Variants in BICDL1 observed in about 807,000 individuals in gnomAD.
The protein encoded by BICDL1 is BICD family like cargo adaptor 1.
BICDL1 carries 20 observed loss-of-function variants against 76.8 expected under a neutral mutation model. That is an observed-to-expected ratio of 0.26 (90% CI 0.18 to 0.38). The LOEUF is 0.38. BICDL1 is among the 10% of genes least tolerant of loss of function. BICDL1 has a pLI of 1.00. For synonymous variants in BICDL1, 383 were observed against 337.1 expected (o/e 1.14, Z -1.49); for missense variants, 700 against 798.6 (o/e 0.88, Z 1.49).
Position 120,094,037 on chromosome 12 carries a change from C to CA in BICDL1, c.*877dup. The CA allele has an allele frequency of 5.3e-6, 2 of 376,632 alleles. No individual in the cohort carries two copies. Among genetic ancestry groups the CA allele is most frequent in the Non-Finnish European group, 1.1e-5 (2 of 190,064 alleles). 23.3% of individuals were successfully genotyped at this position (376,632 alleles called of 1,614,324 possible). A position where few individuals can be genotyped will look rare whatever the true frequency, so the allele number is the denominator to read the frequency against. On this transcript the variant is annotated 3_prime_UTR_variant, in exon 10 of 10. Coordinates refer to ENST00000548673, the MANE Select transcript of BICDL1 (RefSeq NM_001367886.1). ...ACAAGTCCAGGCCACTGAATGGCAC[C>CA]AGAGGGGTCTGTGGTCAGCCACCCC...
chr12:120,052,527 G>A (rs1243385027), intron 2 of BICDL1, among the ~76,000 whole-genome samples: 2 of 152,032 alleles, frequency 1.3e-5, no homozygotes, highest in African/African-American at 4.8e-5. Flanking sequence ...AAGTACAGTT[G>A]GGCCCTTCTC....
At chr12:120,054,112 G>A (rs186744816) in intron 2 of BICDL1, among the ~76,000 whole-genome samples, 9 of 148,602 alleles carry the variant, frequency 6.1e-5, no homozygotes, top group South Asian at 4.3e-4. Context: ...TCGCTCTGTC[G>A]CCCAGGCTGG....
chr12:120,039,024 A>C (rs1952579862), intron 2 of BICDL1, among the ~76,000 whole-genome samples: 1 of 152,180 alleles, frequency 6.6e-6, no homozygotes, highest in Non-Finnish European at 1.5e-5. Context: ...AAGGCCGGGC[A>C]CGGTGACTCA....
intron 1 of BICDL1, among the ~76,000 whole-genome samples, chr12:119,997,725 T>C (rs1307040628): frequency 6.6e-6 from 1 of 152,132 alleles, no homozygotes; most frequent in Non-Finnish European, 1.5e-5. Flanking sequence ...TGAAAAGATC[T>C]CTGGAGTTCT....
Position 120,089,989 on chromosome 12 carries a change from T to C in BICDL1, c.1622T>C (p.Met541Thr), listed in dbSNP as rs1238142402. 4 of 1,614,044 alleles carry C rather than the reference T, an allele frequency of 2.5e-6. No individual in the cohort carries two copies. Among genetic ancestry groups the C allele is most frequent in the South Asian group, 1.1e-5 (1 of 91,092 alleles). ...AVELELAKCRMDMMSLNSQLL... is the reference protein window; with the variant it reads ...AVELELAKCRTDMMSLNSQLL... The stretch of plus-strand genomic sequence containing the variant: ...GAGCTGGAACTTGCCAAGTGCAGGA[T>C]GGATATGATGTCTCTGAACAGCCAG... Residue 541 changes from methionine to threonine, a missense_variant, in exon 9 of 10, where the codon ATG becomes ACG. Transcript: ENST00000548673.
At chr12:120,090,222 A>C in intron 9 of BICDL1, 151 bp downstream of exon 9, 2 of 871,124 alleles carry the variant, frequency 2.3e-6, no homozygotes, top group Non-Finnish European at 3.4e-6. Flanking sequence ...TCCAGAGCTC[A>C]TGTCCCCTAG....
chr12:120,048,476 T>G (rs1409611241), intron 2 of BICDL1, among the ~76,000 whole-genome samples: 1 of 152,200 alleles, frequency 6.6e-6, no homozygotes, highest in Non-Finnish European at 1.5e-5. Context: ...TCACACTTGT[T>G]TGAGGTGTGT....
intron 7 of BICDL1, among the ~76,000 whole-genome samples, chr12:120,075,578 G>T (rs1281727028): frequency 1.3e-5 from 2 of 151,908 alleles, no homozygotes; most frequent in African/African-American, 2.4e-5. Flanking sequence ...AGAGATGAGG[G>T]TTCGCCATGT....
chr12:119,998,952 GA>G (rs1425426949), intron 2 of BICDL1, among the ~76,000 whole-genome samples: 1 of 151,564 alleles, frequency 6.6e-6, no homozygotes, highest in Non-Finnish European at 1.5e-5. Flanking sequence ...AGCTACTTGG[GA>G]GGCTGAGGTG....
At chr12:120,017,995 C>T (rs1352570082) in intron 2 of BICDL1, among the ~76,000 whole-genome samples, 2 of 152,182 alleles carry the variant, frequency 1.3e-5, no homozygotes, top group African/African-American at 4.8e-5. Flanking sequence ...TTATATCTAC[C>T]CGTTTCCTTT....
chr12:119,993,406 C>T lies in BICDL1; in HGVS notation c.429+3109C>T, dbSNP rs1594084142. On this transcript the variant is annotated intron_variant, in intron 1 of 9. Transcript: ENST00000548673. The stretch of plus-strand genomic sequence containing the variant: ...ATTTCAAACATTAAAGTACTTGATG[C>T]TACACTATTGTGTCATTAAAGGCAT... 2.0e-5 allele frequency: 3 copies of T among 152,254 alleles called. No homozygotes were observed. In the South Asian group the frequency reaches 6.2e-4, roughly 32 times the overall value. 9.4% of individuals were successfully genotyped at this position (152,254 alleles called of 1,614,324 possible). A position where few individuals can be genotyped will look rare whatever the true frequency, so the allele number is the denominator to read the frequency against.
chr12:120,068,370 T>C (rs1484543669), intron 4 of BICDL1, among the ~76,000 whole-genome samples: 1 of 152,226 alleles, frequency 6.6e-6, no homozygotes, highest in African/African-American at 2.4e-5. Context: ...GGAGTTGCAG[T>C]CCACAGATAG....
At chr12:120,085,799 C>CA (rs35399078) in intron 8 of BICDL1, among the ~76,000 whole-genome samples, 822 of 69,490 alleles carry the variant, frequency 0.012, 14 homozygotes, top group East Asian at 0.048. Flanking sequence ...GATCCTGCCT[C>CA]AAAAAAAAAA....
intron 2 of BICDL1, among the ~76,000 whole-genome samples, chr12:120,053,697 T>C (rs551897715): frequency 1.2e-4 from 18 of 152,302 alleles, no homozygotes; most frequent in African/African-American, 4.1e-4. Flanking sequence ...TAGCCTTTTC[T>C]CCAAGGAGCC....
In BICDL1 at chr12:120,071,954, C is replaced by G. The variant is rs750584298; in HGVS notation, c.1089+153C>G. Among the ~76,000 whole-genome samples the G allele has an allele frequency of 1.3e-5, 2 of 152,244 alleles. No homozygotes were observed. The highest frequency in any genetic ancestry group is 2.9e-5 in the Non-Finnish European group (2 of 68,040). On this transcript the variant is annotated intron_variant, in intron 5 of 9. Transcript: ENST00000548673. The surrounding 1 kb of genome is among the most constrained non-coding windows in gnomAD (Gnocchi z 4.8). ...GCTGGCTAGAGTGTCATGAAGCAGG[C>G]CCTGATGGAGCATGTCCCTGGCCCT...
intron 2 of BICDL1, among the ~76,000 whole-genome samples, chr12:120,011,391 G>A (rs1214430847): frequency 6.6e-6 from 1 of 152,172 alleles, no homozygotes; most frequent in Non-Finnish European, 1.5e-5. Context: ...AAAGAGTCCT[G>A]GGCTTCAGTT....
chr12:120,003,117 C>G (rs1286290759), intron 2 of BICDL1, among the ~76,000 whole-genome samples: 2 of 150,164 alleles, frequency 1.3e-5, no homozygotes, highest in African/African-American at 4.9e-5. Flanking sequence ...GAAATTGTGC[C>G]ACTGCACTCC....
At chr12:120,083,928 C>T (rs1874195382) in intron 8 of BICDL1, among the ~76,000 whole-genome samples, 1 of 151,634 alleles carries the variant, frequency 6.6e-6, no homozygotes, top group East Asian at 2.0e-4. Context: ...ACTGGGATTA[C>T]AGGCGTGAGC....
chr12:120,001,923 G>A (rs994456112), intron 2 of BICDL1, among the ~76,000 whole-genome samples: 2 of 152,236 alleles, frequency 1.3e-5, no homozygotes, highest in East Asian at 3.9e-4. Context: ...GTGTAGTGGT[G>A]CATGCCTGTA....
Sources: allele counts gnomAD v4.1 joint callset (sites outside exome capture counted in the v4.1 genomes callset), GRCh38; gene constraint gnomAD v4.1.1; non-coding constraint Gnocchi (gnomAD v3.1); transcripts MANE v1.5; gene names NCBI Gene and HGNC (gene_info 2026-07-23, HGNC 2026-07-21).